VWA5B1: variants seen among roughly 807,000 people sequenced by gnomAD.
VWA5B1 encodes von Willebrand factor A domain containing 5B1.
VWA5B1 carries 115 observed loss-of-function variants against 118.2 expected under a neutral mutation model. The ratio of observed to expected loss-of-function variants is 0.97; its 90% CI spans 0.84 to 1.14. VWA5B1 has a LOEUF of 1.14. Ranked by LOEUF, VWA5B1 falls within the 50% of genes most tolerant of loss-of-function variation. VWA5B1 has a pLI of 0.00. For synonymous variants in VWA5B1, 682 were observed against 658.4 expected, an observed-to-expected ratio of 1.04 and a Z score of -0.55; for missense variants, 1,596 against 1,603.8, an observed-to-expected ratio of 1.00 and a Z score of 0.08.
chr1:20,311,203 G>C (rs1017781169), intron 2 of VWA5B1, among the ~76,000 whole-genome samples: 4 of 152,166 alleles, frequency 2.6e-5, no homozygotes, highest in African/African-American at 9.7e-5. Context: ...AAACTCCTGA[G>C]CTCAAGCAAT....
intron 14 of VWA5B1, among the ~76,000 whole-genome samples, chr1:20,341,826 G>GT (rs1205140029): frequency 6.6e-6 from 1 of 152,210 alleles, no homozygotes; most frequent in African/African-American, 2.4e-5. Context: ...TGAAAGCTTT[G>GT]TTGGGATAGA....
Position 20,350,913 on chromosome 1 carries a change from CTCTT to C in VWA5B1, c.3012_3015del (p.Phe1005AspfsTer4). The stretch of plus-strand genomic sequence containing the variant: ...TTCTTCCATGAAGGCCTCAGAGAAT[CTCTT>C]TGGATCCTGGTAGGTGGGATTTCCA... On this transcript the variant is annotated frameshift_variant, in exon 20 of 22. Coordinates refer to ENST00000289815, the MANE Select transcript of VWA5B1 (RefSeq NM_001039500.3). LOFTEE classifies it high-confidence loss of function. 1 of 1,551,976 alleles carries C rather than the reference CTCTT, an allele frequency of 6.4e-7. No individual in the cohort carries two copies. Among genetic ancestry groups the C allele is most frequent in the Admixed American group, 2.0e-5 (1 of 51,006 alleles).
chr1:20,359,034 G>A lies in VWA5B1; in HGVS notation c.*4771G>A, dbSNP rs1362263363. Among the ~76,000 whole-genome samples, 2 of 152,192 alleles carry A rather than the reference G, an allele frequency of 1.3e-5. No homozygotes were observed. Among genetic ancestry groups the A allele is most frequent in the African/African-American group, 2.4e-5 (1 of 41,458 alleles). On this transcript the variant is annotated 3_prime_UTR_variant, in exon 22 of 22. Transcript: ENST00000289815. Reference sequence around the variant, plus strand: ...ACAGCACTGCCTCCCCGGGTTACCCGATGAGGTGGGATTTTTCTCCTGTTC... The same window carrying A: ...ACAGCACTGCCTCCCCGGGTTACCCAATGAGGTGGGATTTTTCTCCTGTTC...
intron 1 of VWA5B1, among the ~76,000 whole-genome samples, chr1:20,300,930 C>A (rs2088490901): frequency 6.6e-6 from 1 of 152,234 alleles, no homozygotes; most frequent in Admixed American, 6.5e-5. Context: ...GTCTGGGGTT[C>A]ACATGCAGTT....
chr1:20,326,631 A>T (rs557360687), intron 8 of VWA5B1, among the ~76,000 whole-genome samples: 5 of 151,932 alleles, frequency 3.3e-5, no homozygotes, highest in Non-Finnish European at 5.9e-5. Context: ...ATGCCCGGCT[A>T]ATATTTGTGT....
At position 20,351,651 on chromosome 1, in the gene VWA5B1, C is replaced by CA. The variant is rs200155053; in HGVS notation, c.3024-396dup. On this transcript the variant is annotated intron_variant, in intron 20 of 21. Coordinates refer to ENST00000289815, the MANE Select transcript of VWA5B1 (RefSeq NM_001039500.3). ...TGGGCAACAGAGCAAGACTCCATCT[C>CA]AAAAAAAATAAAAAATAAAAAATTA... Among the ~76,000 whole-genome samples the CA allele has an allele frequency of 8.7e-3, 1,311 of 151,350 alleles. 10 individuals carry two copies. Among genetic ancestry groups the CA allele is most frequent in the Middle Eastern group, 0.014 (4 of 294 alleles).
chr1:20,353,993 C>G lies in VWA5B1; in HGVS notation c.3378C>G (p.Gly1126=), dbSNP rs1269270867. ...AGCCTCTGGCCAAGGGCAAGCTGGG[C>G]CTGGAGCCGAGGGCAGTGGTGGAGC... ...SLEPLAKGKL[G]LEPRAVVEHT... Residue 1126 remains glycine (G), a synonymous_variant, in exon 22 of 22, where the codon GGC becomes GGG. Transcript: ENST00000289815. 11 of 1,551,622 alleles carry G rather than the reference C, an allele frequency of 7.1e-6. No individual in the cohort carries two copies. Among genetic ancestry groups the G allele is most frequent in the Non-Finnish European group, 9.6e-6 (11 of 1,147,018 alleles).
rs1326268906 is a variant in VWA5B1, at chr1:20,356,817, G to T, written c.*2554G>T. ...ACCCAAGAGCTATGGGGGCAGGTCTGGACAAGAGACATTTTTAAAGAACTT... is the reference window on the plus strand; with the variant it reads ...ACCCAAGAGCTATGGGGGCAGGTCTTGACAAGAGACATTTTTAAAGAACTT... On this transcript the variant is annotated 3_prime_UTR_variant, in exon 22 of 22. Coordinates refer to ENST00000289815, the MANE Select transcript of VWA5B1 (RefSeq NM_001039500.3). Among the ~76,000 whole-genome samples, 2 of 152,276 alleles carry T rather than the reference G, an allele frequency of 1.3e-5. No individual in the cohort carries two copies. Among genetic ancestry groups the T allele is most frequent in the South Asian group, 2.1e-4 (1 of 4,826 alleles).
intron 1 of VWA5B1, among the ~76,000 whole-genome samples, chr1:20,300,222 C>G (rs1179470440): frequency 6.6e-6 from 1 of 152,172 alleles, no homozygotes. Flanking sequence ...ACTCAGGAAA[C>G]AGTGTCACCT....
rs992523891 is a variant in VWA5B1, at chr1:20,314,338, C to T, written c.309C>T (p.Asp103=). Residue 103 remains aspartate (D), a synonymous_variant, in exon 4 of 22, where the codon GAC becomes GAT. Transcript: ENST00000289815. ...SPTVTGNILQ[D]GVSIAPHSCT... Reference sequence around the variant, plus strand: ...GGCACTTAGGGAACATTCTGCAAGACGGGGTTTCCATAGCCCCTCATTCCT... The same window carrying T: ...GGCACTTAGGGAACATTCTGCAAGATGGGGTTTCCATAGCCCCTCATTCCT... 34 of 1,551,734 alleles carry T rather than the reference C, an allele frequency of 2.2e-5. No homozygotes were observed. The highest frequency in any genetic ancestry group is 5.9e-5 in the Admixed American group (3 of 50,982).
At chr1:20,350,989 G>A in intron 20 of VWA5B1, 63 bp downstream of exon 20, 1 of 1,503,404 alleles carries the variant, frequency 6.7e-7, no homozygotes, top group Non-Finnish European at 9.0e-7. Flanking sequence ...GTGGTCCCTG[G>A]GGTTTTCCCT....
intron 17 of VWA5B1, among the ~76,000 whole-genome samples, chr1:20,347,941 C>T (rs1430265274): frequency 6.6e-6 from 1 of 152,162 alleles, no homozygotes; most frequent in Non-Finnish European, 1.5e-5. Flanking sequence ...AACATTGTGC[C>T]TTCTTGAACA....
chr1:20,350,185 A>G lies in VWA5B1; in HGVS notation c.2908A>G (p.Ser970Gly), dbSNP rs1439561236. Reference sequence around the variant, plus strand: ...GGAGGCAAGTCCCACTGCTCTCTTCAGCGAGGCCAGGTCCCCCGGCCGCGA... The same window carrying G: ...GGAGGCAAGTCCCACTGCTCTCTTCGGCGAGGCCAGGTCCCCCGGCCGCGA... The part of the protein sequence containing the change: ...DMEASPTALF[S>G]EARSPGREKH... Residue 970 changes from serine to glycine, a missense_variant, in exon 19 of 22, where the codon AGC (serine) becomes GGC (glycine). Ser to Gly is a moderately conservative substitution (Grantham distance 56). Transcript: ENST00000289815. 1 of 1,551,226 alleles carries G rather than the reference A, an allele frequency of 6.4e-7. No homozygotes were observed. The highest frequency in any genetic ancestry group is 1.4e-5 in the African/African-American group (1 of 73,160).
In VWA5B1 at chr1:20,319,475, G is replaced by T. The variant is rs1372306445; in HGVS notation, c.935G>T (p.Gly312Val). 6.4e-7 allele frequency: 1 copy of T among 1,551,662 alleles called. No homozygotes were observed. The highest frequency in any genetic ancestry group is 1.4e-5 in the African/African-American group (1 of 73,048). The stretch of plus-strand genomic sequence containing the variant: ...AAGGGAAGAACAGATTTCATTAAAG[G>T]GATGAAGAAGAAGAGCAGAGCAGAG... ...HLKGRTDFIK[G>V]MKKKSRAERK... is the part of the protein sequence containing the mutation. Residue 312 changes from glycine (G) to valine (V), a missense_variant, in exon 7 of 22, where the codon GGG (glycine) becomes GTG (valine). By Grantham distance (109) the Gly-to-Val change is moderately radical. Transcript: ENST00000289815.
At chr1:20,317,825 G>C in intron 5 of VWA5B1, 150 bp downstream of exon 5, 2 of 1,106,010 alleles carry the variant, frequency 1.8e-6, no homozygotes, top group Non-Finnish European at 2.5e-6. Flanking sequence ...CATTTCCCAT[G>C]GCCCCAACAA....
chr1:20,328,533 G>A (rs575980968), intron 9 of VWA5B1, among the ~76,000 whole-genome samples: 2 of 152,118 alleles, frequency 1.3e-5, no homozygotes, highest in African/African-American at 4.8e-5. Context: ...AAGAGGAAGA[G>A]AGGGAGGGAG....
At chr1:20,304,374 C>T (rs1205240185) in intron 1 of VWA5B1, among the ~76,000 whole-genome samples, 1 of 152,058 alleles carries the variant, frequency 6.6e-6, no homozygotes, top group Non-Finnish European at 1.5e-5. Flanking sequence ...CTGACGTGTT[C>T]AGGGCATGAT....
At chr1:20,338,955 C>T (rs931178746) in intron 14 of VWA5B1, 1 of 152,284 alleles carries the variant, frequency 6.6e-6, no homozygotes, top group African/African-American at 2.4e-5. Flanking sequence ...AGTGAGCAAC[C>T]ATGCCTGGCA....
At chr1:20,344,114 G>T (rs1465189050) in intron 16 of VWA5B1, among the ~76,000 whole-genome samples, 1 of 146,872 alleles carries the variant, frequency 6.8e-6, no homozygotes, top group African/African-American at 2.5e-5. Context: ...TTCCATTCCC[G>T]CCAAGATCCA....
Sources: gnomAD v4.1 joint callset for allele counts (sites outside exome capture counted in the v4.1 genomes callset) on GRCh38, gnomAD v4.1.1 for gene constraint, MANE v1.5 for transcripts, NCBI Gene and HGNC (gene_info 2026-07-23, HGNC 2026-07-21) for gene names.